Variants in PDE1A observed in about 807,000 individuals in gnomAD.
PDE1A encodes the protein dual specificity calcium/calmodulin-dependent 3',5'-cyclic nucleotide phosphodiesterase 1A.
In PDE1A, 35 loss-of-function variants were observed where a neutral mutation model predicts 61.7. The ratio of observed to expected loss-of-function variants is 0.57; its 90% CI spans 0.43 to 0.75. The LOEUF (loss-of-function observed/expected upper bound fraction) is 0.75. Among genes scored for constraint, PDE1A ranks in the 30% least tolerant of loss-of-function variants. The probability of loss-of-function intolerance (pLI) is 0.00; values close to 1 mark genes in which losing one functional copy is unlikely to be tolerated. For missense variants in PDE1A, 597 were observed against 630.6 expected (o/e 0.95, Z 0.57); for synonymous variants, 232 against 213.2 (o/e 1.09, Z -0.77).
At chr2:182,303,979 C>T (rs1459100126) in intron 1 of PDE1A, among the ~76,000 whole-genome samples, 1 of 152,128 alleles carries the variant, frequency 6.6e-6, no homozygotes, top group Non-Finnish European at 1.5e-5. Context: ...CTGCTCACTG[C>T]AACCTCCGCC....
intron 7 of PDE1A, among the ~76,000 whole-genome samples, chr2:182,212,199 T>C (rs895800280): frequency 8.3e-6 from 1 of 120,978 alleles, no homozygotes; most frequent in Non-Finnish European, 1.7e-5. Flanking sequence ...ATTAAAATTA[T>C]ATATATTACG....
In PDE1A at chr2:182,212,506, G is replaced by A. The variant is rs138929004; in HGVS notation, c.777-6441C>T. Among the ~76,000 whole-genome samples the A allele has an allele frequency of 6.9e-3, 1,053 of 152,230 alleles. 10 individuals are homozygous for A. Among genetic ancestry groups the A allele is most frequent in the African/African-American group, 0.023 (953 of 41,548 alleles). On this transcript the variant is annotated intron_variant, in intron 7 of 13. Coordinates refer to ENST00000351439, the Ensembl canonical transcript of PDE1A. The stretch of plus-strand genomic sequence containing the variant: ...TTTCTGCATTTCCATCTGAGGTACC[G>A]GGTTCATCTCAGTAGGGAGTGCCAG...
the PDE1A span, among the ~76,000 whole-genome samples, chr2:182,569,254 AATATAT>A: frequency 7.2e-5 from 10 of 138,584 alleles, no homozygotes; most frequent in Admixed American, 1.5e-4. Flanking sequence ...ACCTGTCTCA[AATATAT>A]ATATATATAT....
At chr2:182,245,438 A>C (rs530721260) in intron 2 of PDE1A, among the ~76,000 whole-genome samples, 2 of 152,302 alleles carry the variant, frequency 1.3e-5, no homozygotes, top group South Asian at 4.1e-4. Flanking sequence ...ACATATGTCT[A>C]CCATTACAGT....
intron 10 of PDE1A, among the ~76,000 whole-genome samples, chr2:182,194,825 G>A (rs557203958): frequency 6.0e-4 from 90 of 150,976 alleles, no homozygotes; most frequent in South Asian, 8.4e-4. Flanking sequence ...AAACTAATAA[G>A]AAAATGATTT....
chr2:182,518,196 G>T (rs972171450), intron 2 of PDE1A, among the ~76,000 whole-genome samples: 1 of 152,110 alleles, frequency 6.6e-6, no homozygotes, highest in South Asian at 2.1e-4. Flanking sequence ...TTGGGAATAT[G>T]ATGCTAATAG....
intron 13 of PDE1A, among the ~76,000 whole-genome samples, chr2:182,184,364 C>G (rs772409436): frequency 7.3e-5 from 11 of 151,524 alleles, no homozygotes; most frequent in Non-Finnish European, 1.3e-4. Context: ...TACAAGGAAG[C>G]AACAATACAA....
At chr2:182,242,361 T>C (rs1381153799) in intron 2 of PDE1A, among the ~76,000 whole-genome samples, 1 of 152,130 alleles carries the variant, frequency 6.6e-6, no homozygotes, top group Non-Finnish European at 1.5e-5. Context: ...GTGCATATAA[T>C]TTTAGGGAGA....
chr2:182,627,598 C>T, the PDE1A span, among the ~76,000 whole-genome samples: 55 of 151,006 alleles, frequency 3.6e-4, no homozygotes, highest in Admixed American at 6.0e-4. Flanking sequence ...TGTCTATTTG[C>T]TGTGCTTACC....
At chr2:182,224,691 C>T (rs1034134844) in intron 6 of PDE1A, among the ~76,000 whole-genome samples, 1 of 151,834 alleles carries the variant, frequency 6.6e-6, no homozygotes, top group Non-Finnish European at 1.5e-5. Context: ...TTTTGTAAAA[C>T]CCTTATACTG....
chr2:182,329,346 A>G (rs1325514770), intron 1 of PDE1A, among the ~76,000 whole-genome samples: 1 of 152,130 alleles, frequency 6.6e-6, no homozygotes, highest in African/African-American at 2.4e-5. Flanking sequence ...CATAAAGTTG[A>G]ATCTCTGGCT....
chr2:182,658,063 A>AAC, the PDE1A span, among the ~76,000 whole-genome samples: 19 of 115,876 alleles, frequency 1.6e-4, no homozygotes, highest in African/African-American at 5.6e-4. Flanking sequence ...AAAAAAAAAA[A>AAC]AAAAAAAAAC....
intron 13 of PDE1A, among the ~76,000 whole-genome samples, chr2:182,172,838 G>A (rs1319639127): frequency 6.6e-6 from 1 of 151,998 alleles, no homozygotes; most frequent in African/African-American, 2.4e-5. Flanking sequence ...AAGGTAGAGA[G>A]ATAGGAAAAC....
intron 2 of PDE1A, among the ~76,000 whole-genome samples, chr2:182,485,696 A>G (rs991064372): frequency 6.6e-6 from 1 of 152,106 alleles, no homozygotes; most frequent in African/African-American, 2.4e-5. Flanking sequence ...AAATATAAAA[A>G]TTAATTAATA....
chr2:182,626,547 A>T, the PDE1A span, among the ~76,000 whole-genome samples: 6 of 149,796 alleles, frequency 4.0e-5, no homozygotes, highest in East Asian at 7.8e-4. Context: ...ACACTGGTAT[A>T]AAAAAAAACC....
At chr2:182,589,044 AAAT>A in the PDE1A span, among the ~76,000 whole-genome samples, 11,542 of 138,028 alleles carry the variant, frequency 0.084, 598 homozygotes, top group African/African-American at 0.11. Context: ...CTCTGTCTCA[AAAT>A]AATAATAATA....
the PDE1A span, among the ~76,000 whole-genome samples, chr2:182,663,845 C>T: frequency 2.0e-5 from 3 of 151,542 alleles, no homozygotes; most frequent in African/African-American, 4.8e-5. Flanking sequence ...AAAAGAAAAA[C>T]GGTCTGCAAG....
chr2:182,592,764 AAAAG>A, the PDE1A span, among the ~76,000 whole-genome samples: 1 of 152,326 alleles, frequency 6.6e-6, no homozygotes, highest in South Asian at 2.1e-4. Context: ...CACAGAAAGA[AAAAG>A]AAAGAATGAA....
downstream of PDE1A, among the ~76,000 whole-genome samples, chr2:182,167,727 G>C (rs1291421160): frequency 6.6e-6 from 1 of 152,060 alleles, no homozygotes; most frequent in Non-Finnish European, 1.5e-5. Flanking sequence ...TGGGTTTTTG[G>C]ATGATACATT....
Sources: allele counts gnomAD v4.1 joint callset (sites outside exome capture counted in the v4.1 genomes callset), GRCh38; gene constraint gnomAD v4.1.1; transcripts MANE v1.5; gene names NCBI Gene and HGNC (gene_info 2026-07-23, HGNC 2026-07-21).